The following ARHGEF26 variants were observed in gnomAD, a reference collection of about 807,000 sequenced individuals.
The protein encoded by ARHGEF26 is Rho guanine nucleotide exchange factor 26, also known as Rho guanine nucleotide exchange factor (GEF) 26.
Under a neutral mutation model 89.4 loss-of-function variants are expected in ARHGEF26, and 59 were observed. That is an observed-to-expected ratio of 0.66 (90% confidence interval 0.54 to 0.82). ARHGEF26 has a LOEUF of 0.82. Among genes scored for constraint, ARHGEF26 ranks in the 40% least tolerant of loss-of-function variants. The pLI is 0.00. For missense variants in ARHGEF26, 1,234 were observed against 1,085.6 expected, an observed-to-expected ratio of 1.14 and a Z score of -1.92; for synonymous variants, 500 against 428.4, an observed-to-expected ratio of 1.17 and a Z score of -2.06.
At chr3:154,187,380 ATTTT>A (rs35918903) in intron 6 of ARHGEF26, among the ~76,000 whole-genome samples, 3 of 127,082 alleles carry the variant, frequency 2.4e-5, no homozygotes, top group Non-Finnish European at 4.8e-5. Context: ...CAATAACTTG[ATTTT>A]TTTTTTTTTT....
At chr3:154,242,015 A>G (rs1393753105) in intron 12 of ARHGEF26, among the ~76,000 whole-genome samples, 1 of 152,226 alleles carries the variant, frequency 6.6e-6, no homozygotes, top group African/African-American at 2.4e-5. Flanking sequence ...GTCAAGAGAC[A>G]TAAGAAAAAT....
At chr3:154,219,886 C>T (rs1283571248) in intron 10 of ARHGEF26, among the ~76,000 whole-genome samples, 1 of 151,684 alleles carries the variant, frequency 6.6e-6, no homozygotes. Flanking sequence ...TGCACTCCAG[C>T]CTGGGCGACA....
intron 12 of ARHGEF26, among the ~76,000 whole-genome samples, chr3:154,249,347 T>G (rs1717983068): frequency 6.6e-6 from 1 of 152,198 alleles, no homozygotes; most frequent in South Asian, 2.1e-4. Context: ...AAGTTAAACC[T>G]ACTGTGCATA....
In ARHGEF26 at chr3:154,123,681, T is replaced by TG. The variant is rs569903953; in HGVS notation, c.1083+608dup. On this transcript the variant is annotated intron_variant, in intron 2 of 14. Coordinates refer to ENST00000465093, the MANE Select transcript of ARHGEF26 (RefSeq NM_015595.4). ...TGCTTGTTTTTGTCACCGTGGCCTT[T>TG]GGTTGTGTTTTATTCCCGTTGTATG... is the stretch of plus-strand genomic sequence containing the variant. Among the ~76,000 whole-genome samples, 19 of 152,336 alleles carry TG rather than the reference T, an allele frequency of 1.2e-4. No individual in the cohort carries two copies. The South Asian group carries it at 3.9e-3, about 32-fold the overall frequency.
chr3:154,197,237 C>G (rs1235960571), intron 9 of ARHGEF26, among the ~76,000 whole-genome samples: 1 of 152,144 alleles, frequency 6.6e-6, no homozygotes, highest in African/African-American at 2.4e-5. Context: ...CCTTCAGTCT[C>G]CCAGCGTTAC....
chr3:154,154,575 TAG>T (rs1720216948), intron 6 of ARHGEF26, among the ~76,000 whole-genome samples: 1 of 21,600 alleles, frequency 4.6e-5, no homozygotes. Flanking sequence ...TCTTCCCATA[TAG>T]ATACTCTTAA....
chr3:154,153,091 G>T (rs1720123082), intron 6 of ARHGEF26, among the ~76,000 whole-genome samples, 159 bp downstream of exon 6: 2 of 152,134 alleles, frequency 1.3e-5, no homozygotes, highest in Non-Finnish European at 2.9e-5. Context: ...TTCAAGTTTG[G>T]TGAATAGACA....
chr3:154,233,423 T>A (rs1310941360), intron 11 of ARHGEF26, among the ~76,000 whole-genome samples: 2 of 152,176 alleles, frequency 1.3e-5, no homozygotes, highest in East Asian at 3.8e-4. Flanking sequence ...AGGAATCATG[T>A]TTTTTAGAAG....
At chr3:154,123,482 C>T (rs1427105942) in intron 2 of ARHGEF26, among the ~76,000 whole-genome samples, 1 of 152,162 alleles carries the variant, frequency 6.6e-6, no homozygotes, top group Non-Finnish European at 1.5e-5. Flanking sequence ...TAGCTGTTAT[C>T]ACAGCTGATT....
chr3:154,143,051 A>G (rs1423437163), intron 4 of ARHGEF26, among the ~76,000 whole-genome samples: 1 of 152,116 alleles, frequency 6.6e-6, no homozygotes, highest in Non-Finnish European at 1.5e-5. Context: ...AAACAGTTCT[A>G]CTTGTCTGCC....
intron 6 of ARHGEF26, among the ~76,000 whole-genome samples, chr3:154,165,719 G>A (rs1035152989): frequency 6.6e-6 from 1 of 152,168 alleles, no homozygotes; most frequent in African/African-American, 2.4e-5. Flanking sequence ...GCTGCTAAAT[G>A]AACTTTCCAT....
chr3:154,219,452 G>A (rs965774448), intron 10 of ARHGEF26, among the ~76,000 whole-genome samples: 12 of 151,964 alleles, frequency 7.9e-5, no homozygotes, highest in East Asian at 5.8e-4. Context: ...AAAATTAGCC[G>A]GGTGTAGTGG....
At position 154,152,939 on chromosome 3, in the gene ARHGEF26, G is replaced by A. The variant is rs200192072; in HGVS notation, c.1487+7G>A. 1.3e-6 allele frequency: 2 copies of A among 1,560,142 alleles called. No homozygotes were observed. The highest frequency in any genetic ancestry group is 1.9e-5 in the Admixed American group (1 of 53,012). On this transcript the variant is annotated splice_region_variant and intron_variant, in intron 6 of 14. Coordinates refer to ENST00000465093, the MANE Select transcript of ARHGEF26 (RefSeq NM_015595.4). ...TCTGTGAGGCAAGCAAAAAGTAAGT[G>A]CACTGCAGTCTGCCTTTGGTCGTGC...
intron 6 of ARHGEF26, among the ~76,000 whole-genome samples, chr3:154,182,263 C>A (rs914330640): frequency 7.9e-5 from 12 of 152,108 alleles, no homozygotes; most frequent in African/African-American, 2.9e-4. Context: ...CTTAGCCTAT[C>A]CCAGCAGGTT....
chr3:154,239,319 T>A (rs1295002551), intron 11 of ARHGEF26, among the ~76,000 whole-genome samples: 31 of 148,040 alleles, frequency 2.1e-4, no homozygotes, highest in African/African-American at 6.1e-4. Flanking sequence ...TGTGTGTGTG[T>A]GTGTGTGTGT....
intron 9 of ARHGEF26, among the ~76,000 whole-genome samples, chr3:154,204,482 A>C (rs1714882487): frequency 6.6e-6 from 1 of 151,674 alleles, no homozygotes; most frequent in African/African-American, 2.4e-5. Context: ...CTACAGGTAC[A>C]TGCCTGGCTA....
intron 12 of ARHGEF26, among the ~76,000 whole-genome samples, chr3:154,248,586 T>C (rs956635612): frequency 1.3e-5 from 2 of 152,164 alleles, no homozygotes; most frequent in Non-Finnish European, 2.9e-5. Context: ...CTGATCTTAA[T>C]GTGGTCCTCA....
At chr3:154,239,291 AGAGAGAGAGTGTGTGTGT>A (rs1559920549) in intron 11 of ARHGEF26, among the ~76,000 whole-genome samples, 32 of 61,884 alleles carry the variant, frequency 5.2e-4, no homozygotes, top group Middle Eastern at 0.01. Context: ...AGAGAGAGAG[AGAGAGAGAGTGTGTGTGT>A]GTGTGTGTGT....
intron 10 of ARHGEF26, among the ~76,000 whole-genome samples, chr3:154,218,282 A>T (rs1178101069): frequency 1.3e-5 from 2 of 152,228 alleles, no homozygotes; most frequent in African/African-American, 4.8e-5. Flanking sequence ...TTCCTTCATT[A>T]TTCTCAAAAT....
Sources: allele counts gnomAD v4.1 joint callset (sites outside exome capture counted in the v4.1 genomes callset), GRCh38; gene constraint gnomAD v4.1.1; transcripts MANE v1.5; gene names NCBI Gene and HGNC (gene_info 2026-07-23, HGNC 2026-07-21).